The following PRKACB variants were observed in gnomAD, a reference collection of about 807,000 sequenced individuals.
PRKACB encodes protein kinase cAMP-activated catalytic subunit beta.
A neutral mutation model predicts 51.4 loss-of-function variants in PRKACB; 16 were observed. The ratio of observed to expected loss-of-function variants is 0.31; its 90% CI spans 0.21 to 0.47. The LOEUF is 0.47. Ranked by LOEUF, PRKACB falls within the 20% of genes least tolerant of loss-of-function variation. The probability of loss-of-function intolerance (pLI) is 1.00; values close to 1 mark genes in which losing one functional copy is unlikely to be tolerated. For synonymous variants in PRKACB, 147 were observed against 154.4 expected, an observed-to-expected ratio of 0.95 and a Z score of 0.35; for missense variants, 309 against 464.5, an observed-to-expected ratio of 0.67 and a Z score of 3.08.
rs1572424045 is a variant in PRKACB at position 84,204,656 on chromosome 1, A to C, written c.906+1851A>C. 4 of 1,108,122 alleles carry C rather than the reference A, an allele frequency of 3.6e-6. No individual in the cohort carries two copies. In the East Asian group the frequency reaches 1.2e-4, roughly 33 times the overall value. 68.6% of individuals were successfully genotyped at this position (1,108,122 alleles called of 1,614,324 possible). On this transcript the variant is annotated intron_variant, in intron 8 of 9. Transcript: ENST00000370685. The stretch of plus-strand genomic sequence containing the variant: ...AATGGAAGAAGAATATTTTACTAAT[A>C]CAAAAACTAAGAATGTAAATGTTAT...
chr1:84,127,503 G>T (rs968124865), intron 1 of PRKACB, among the ~76,000 whole-genome samples: 1 of 152,124 alleles, frequency 6.6e-6, no homozygotes, highest in African/African-American at 2.4e-5. Context: ...TAATTTACCT[G>T]CTGGTATTAC....
In PRKACB at chr1:84,185,341, T is replaced by G. The variant is rs576074478; in HGVS notation, c.560+159T>G. Among the ~76,000 whole-genome samples the G allele has an allele frequency of 2.0e-5, 3 of 151,958 alleles. No homozygotes were observed. The East Asian group carries it at 5.8e-4, about 29-fold the overall frequency. On this transcript the variant is annotated intron_variant, in intron 5 of 9. Transcript: ENST00000370685. The stretch of plus-strand genomic sequence containing the variant: ...AAAGAGGCCACATCATACACAAGTT[T>G]TAATATAAAGAATATAAAAATTTAA...
chr1:84,086,269 G>A lies in PRKACB; in HGVS notation c.46+7898G>A, dbSNP rs1647978632. The A allele has an allele frequency of 2.8e-6, 4 of 1,411,258 alleles. No individual in the cohort carries two copies. The East Asian group carries it at 9.1e-5, about 32-fold the overall frequency. The allele number at this position is 1,411,258 out of a possible 1,614,324, so 87.4% of individuals were successfully genotyped here. ...CAAGTCCTGGTTCCCTTGCCCCCAT[G>A]GGACCCCAGTAGAACTTGGCCCTTC... On this transcript the variant is annotated intron_variant, in intron 1 of 8. Coordinates refer to the PRKACB transcript ENST00000370688.
At chr1:84,101,914 G>A (rs1034437922) in intron 1 of PRKACB, among the ~76,000 whole-genome samples, 7 of 152,116 alleles carry the variant, frequency 4.6e-5, no homozygotes, top group Middle Eastern at 3.4e-3. Flanking sequence ...AAGAAGGAGG[G>A]CCTCAAAGCT....
At chr1:84,213,706 T>A (rs1358614926) in intron 8 of PRKACB, among the ~76,000 whole-genome samples, 1 of 152,246 alleles carries the variant, frequency 6.6e-6, no homozygotes, top group Non-Finnish European at 1.5e-5. Flanking sequence ...TCCTTTTTGA[T>A]AGATCTCTTT....
intron 8 of PRKACB, chr1:84,204,343 C>A: frequency 1.8e-6 from 1 of 569,842 alleles, no homozygotes; most frequent in Non-Finnish European, 3.1e-6. Context: ...GTGTTGAATG[C>A]TGTGCACTGA....
At chr1:84,131,211 G>A (rs749684262) in intron 1 of PRKACB, among the ~76,000 whole-genome samples, 1 of 152,062 alleles carries the variant, frequency 6.6e-6, no homozygotes, top group Non-Finnish European at 1.5e-5. Context: ...TACAAAATTA[G>A]GTAGTCGTGG....
Position 84,235,570 on chromosome 1 carries a change from T to C in PRKACB, c.*265T>C. 1 of 324,162 alleles carries C rather than the reference T, an allele frequency of 3.1e-6. No individual in the cohort carries two copies. The highest frequency in any genetic ancestry group is 5.6e-6 in the Non-Finnish European group (1 of 177,774). 20.1% of individuals were successfully genotyped at this position (324,162 alleles called of 1,614,324 possible). On this transcript the variant is annotated 3_prime_UTR_variant, in exon 10 of 10. Coordinates refer to ENST00000370685, the MANE Select transcript of PRKACB (RefSeq NM_182948.4). ...TGGGTTGTCTTTCTCCTCTCCTATATCCATTTCTTCCTTTTCCAATTTCAT... is the reference window on the plus strand; with the variant it reads ...TGGGTTGTCTTTCTCCTCTCCTATACCCATTTCTTCCTTTTCCAATTTCAT...
At chr1:84,183,516 T>G (rs1291419987) in intron 3 of PRKACB, among the ~76,000 whole-genome samples, 1 of 151,786 alleles carries the variant, frequency 6.6e-6, no homozygotes, top group Admixed American at 6.6e-5. Flanking sequence ...TACTCACTAT[T>G]TTTCAGTTAT....
In PRKACB at chr1:84,236,186, G is replaced by A. The variant is rs1676644405; in HGVS notation, c.*881G>A. 1 of 152,574 alleles carries A rather than the reference G, an allele frequency of 6.6e-6. No homozygotes were observed. The highest frequency in any genetic ancestry group is 1.5e-5 in the Non-Finnish European group (1 of 68,030). 9.5% of individuals were successfully genotyped at this position (152,574 alleles called of 1,614,324 possible). ...AGTATTTTAATAGAACATGATTAAT[G>A]AAAGTGACAAATTTTAAATTTTCTC... On this transcript the variant is annotated 3_prime_UTR_variant, in exon 10 of 10. Coordinates refer to ENST00000370685, the MANE Select transcript of PRKACB (RefSeq NM_182948.4).
intron 1 of PRKACB, among the ~76,000 whole-genome samples, chr1:84,131,358 T>A (rs988776198): frequency 1.9e-4 from 24 of 128,114 alleles, no homozygotes; most frequent in Non-Finnish European, 3.1e-4. Flanking sequence ...AAAAAAAAAA[T>A]TAATTCTAAG....
chr1:84,079,699 C>T (rs1350278354), intron 1 of PRKACB, among the ~76,000 whole-genome samples: 2 of 152,112 alleles, frequency 1.3e-5, no homozygotes, highest in African/African-American at 4.8e-5. Flanking sequence ...GAGTTTCGTT[C>T]TTGTCGCCCA....
chr1:84,176,429 GT>G (rs1353457736), intron 1 of PRKACB, among the ~76,000 whole-genome samples: 1 of 151,690 alleles, frequency 6.6e-6, no homozygotes, highest in Non-Finnish European at 1.5e-5. Context: ...ATTGCTTATT[GT>G]TTTAGGGTTA....
chr1:84,096,016 GA>G (rs1648900242), intron 1 of PRKACB, among the ~76,000 whole-genome samples: 1 of 151,958 alleles, frequency 6.6e-6, no homozygotes, highest in South Asian at 2.1e-4. Flanking sequence ...ATCTTTAATT[GA>G]ATGTATTTTG....
At chr1:84,130,352 G>T (rs140169148) in intron 1 of PRKACB, among the ~76,000 whole-genome samples, 10 of 152,222 alleles carry the variant, frequency 6.6e-5, no homozygotes, top group African/African-American at 1.9e-4. Flanking sequence ...CTGCACTCCT[G>T]TGTCAGTGGC....
chr1:84,086,123 T>A, intron 1 of PRKACB: 1 of 1,568,456 alleles, frequency 6.4e-7, no homozygotes, highest in Non-Finnish European at 8.8e-7. Flanking sequence ...GTATGAGGTG[T>A]TGGTGGTGCC....
intron 1 of PRKACB, among the ~76,000 whole-genome samples, chr1:84,174,234 A>G (rs1660485593): frequency 6.6e-6 from 1 of 151,828 alleles, no homozygotes; most frequent in African/African-American, 2.4e-5. Context: ...TGGATAAACC[A>G]TGCTCTTCTT....
chr1:84,164,486 G>A, intron 1 of PRKACB: 1 of 1,532,106 alleles, frequency 6.5e-7, no homozygotes, highest in Non-Finnish European at 8.8e-7. Context: ...GCGTAGATTA[G>A]TGCTTAAATT....
At chr1:84,183,970 T>C in intron 3 of PRKACB, 67 bp from the exon 4 acceptor site, 7 of 1,405,202 alleles carry the variant, frequency 5.0e-6, no homozygotes, top group Non-Finnish European at 6.6e-6. Context: ...ATGGAAAACA[T>C]TTTTTTAAAT....
Sources: gnomAD v4.1 joint callset for allele counts (sites outside exome capture counted in the v4.1 genomes callset) on GRCh38, gnomAD v4.1.1 for gene constraint, MANE v1.5 for transcripts, NCBI Gene and HGNC (gene_info 2026-07-23, HGNC 2026-07-21) for gene names.